Variants in ABR observed in about 807,000 individuals in gnomAD.
ABR encodes the protein ABR activator of RhoGEF and GTPase.
A neutral mutation model predicts 107.2 loss-of-function variants in ABR; 35 were observed. The observed-to-expected ratio is 0.33, with a 90% CI of 0.25 to 0.43. The LOEUF (loss-of-function observed/expected upper bound fraction) is 0.43. Ranked by LOEUF, ABR falls within the 20% of genes least tolerant of loss-of-function variation. ABR has a pLI of 1.00. For missense variants in ABR, 815 were observed against 1,115.2 expected, an observed-to-expected ratio of 0.73 and a Z score of 3.83; for synonymous variants, 498 against 462.0, an observed-to-expected ratio of 1.08 and a Z score of -1.00.
Position 1,013,749 on chromosome 17 carries a change from C to A in ABR, c.1792-585G>T, listed in dbSNP as rs573175279. ...CCTCCCTGGGATTGCTGGGAAGATTCAGGGAGAAAACTTGGGTCAAGCCAT... is the reference window on the plus strand; with the variant it reads ...CCTCCCTGGGATTGCTGGGAAGATTAAGGGAGAAAACTTGGGTCAAGCCAT... On this transcript the variant is annotated intron_variant, in intron 16 of 22. Coordinates refer to ENST00000302538, the MANE Select transcript of ABR (RefSeq NM_021962.5). Among the ~76,000 whole-genome samples the A allele has an allele frequency of 7.9e-5, 12 of 152,338 alleles. No individual in the cohort carries two copies. In the East Asian group the frequency reaches 1.9e-3, roughly 24 times the overall value.
rs542781175 is a variant in ABR at position 1,150,188 on chromosome 17, C to T, written c.62-24821G>A. On this transcript the variant is annotated intron_variant, in intron 1 of 22. Transcript: ENST00000302538. The surrounding 1 kb of genome is among the most constrained non-coding windows in gnomAD (Gnocchi z 4.8). ...CGCTGAGATTACAGACGTGAGCCAC[C>T]GCGCCCGGCCTGTGTCAGAATTTTT... Among the ~76,000 whole-genome samples the T allele has an allele frequency of 7.9e-5, 12 of 151,822 alleles. No individual in the cohort carries two copies. The highest frequency in any genetic ancestry group is 2.4e-4 in the African/African-American group (10 of 41,384).
chr17:1,225,290 A>C (rs949099680), intron 1 of ABR, among the ~76,000 whole-genome samples: 1 of 152,206 alleles, frequency 6.6e-6, no homozygotes, highest in African/African-American at 2.4e-5. Context: ...GAGCCATTGT[A>C]CCAGCCACAT....
rs761207671 is a variant in ABR at position 1,200,435 on chromosome 17, C to T, written c.838+28358G>A. 7.6e-4 allele frequency among the ~76,000 whole-genome samples: 115 copies of T among 152,184 alleles called. No homozygotes were observed. The highest frequency in any genetic ancestry group is 1.3e-3 in the Non-Finnish European group (91 of 68,028). On this transcript the variant is annotated intron_variant, in intron 1 of 22. Transcript: ENST00000574139. The surrounding 1 kb of genome is among the most constrained non-coding windows in gnomAD (Gnocchi z 4.1). ...GTGATTAGGTTACATGTAACTATTA[C>T]AGCACCTTATATAAGAGACTTGGGC... is the stretch of plus-strand genomic sequence containing the variant.
chr17:1,223,931 G>T (rs887314830), intron 1 of ABR, among the ~76,000 whole-genome samples: 1 of 152,186 alleles, frequency 6.6e-6, no homozygotes, highest in Non-Finnish European at 1.5e-5. Flanking sequence ...GACAATTCGA[G>T]ATGAGATTTG....
chr17:1,203,513 G>GGGGCCCGCGGGGGCGGAGGCTGCGGGGGC, intron 1 of ABR, among the ~76,000 whole-genome samples: 1 of 2,840 alleles, frequency 3.5e-4, no homozygotes, highest in Non-Finnish European at 0.029. Flanking sequence ...CTGCGGGGGC[G>GGGGCCCGCGGGGGCGGAGGCTGCGGGGGC]GGGGCCGCAG....
intron 16 of ABR, among the ~76,000 whole-genome samples, chr17:1,016,876 C>A (rs62068326): frequency 0.066 from 10,042 of 152,170 alleles, 439 homozygotes; most frequent in Middle Eastern, 0.15. Context: ...ACGGTTTGAA[C>A]GCAGTTGCTA....
intron 1 of ABR, among the ~76,000 whole-genome samples, chr17:1,206,882 C>A (rs965469894): frequency 1.3e-5 from 2 of 152,180 alleles, no homozygotes; most frequent in Admixed American, 6.5e-5. Flanking sequence ...GCCAGGAGTT[C>A]GAGACCACCC....
At chr17:1,164,751 C>T (rs951984121) in intron 1 of ABR, among the ~76,000 whole-genome samples, 5 of 152,144 alleles carry the variant, frequency 3.3e-5, no homozygotes, top group African/African-American at 9.7e-5. Context: ...ACTGAAGCCT[C>T]GACTTCCCCA....
At position 1,070,216 on chromosome 17, in the gene ABR, A is replaced by C; in HGVS notation, c.895-126T>G. 7.6e-7 allele frequency: 1 copy of C among 1,311,454 alleles called. No individual in the cohort carries two copies. The highest frequency in any genetic ancestry group is 1.0e-6 in the Non-Finnish European group (1 of 955,940). 81.2% of individuals were successfully genotyped at this position (1,311,454 alleles called of 1,614,324 possible). On this transcript the variant is annotated intron_variant, in intron 8 of 22. Coordinates refer to ENST00000302538, the MANE Select transcript of ABR (RefSeq NM_021962.5). This position sits in a 1 kb window ranked among gnomAD's most constrained non-coding sequence, Gnocchi z 4.2. ...GAGGCGGCATAGCCTGTCATCCCTT[A>C]ACCAAAGGTGGTTCAAGCACTGCCT...
chr17:1,083,645 G>A lies in ABR; in HGVS notation c.532-18C>T, dbSNP rs1185064376. The stretch of plus-strand genomic sequence containing the variant: ...TGGCTGGCCTGCAGGGAGGAGTCAG[G>A]GAACAGAGGGAGAGGAGGGTGGGAG... On this transcript the variant is annotated intron_variant, in intron 4 of 22. Coordinates refer to ENST00000302538, the MANE Select transcript of ABR (RefSeq NM_021962.5). 5 of 1,591,910 alleles carry A rather than the reference G, an allele frequency of 3.1e-6. No individual in the cohort carries two copies. Among genetic ancestry groups the A allele is most frequent in the Non-Finnish European group, 4.3e-6 (5 of 1,160,178 alleles).
At chr17:1,203,679 G>T (rs548705341) in intron 1 of ABR, among the ~76,000 whole-genome samples, 1 of 152,294 alleles carries the variant, frequency 6.6e-6, no homozygotes, top group Admixed American at 6.5e-5. Flanking sequence ...CGGCGGGAGC[G>T]GTGATGCAGA....
chr17:1,134,243 T>C (rs1274755842), intron 1 of ABR, among the ~76,000 whole-genome samples: 1 of 151,916 alleles, frequency 6.6e-6, no homozygotes, highest in Admixed American at 6.6e-5. Flanking sequence ...TGAAACCCCG[T>C]CTGTACTAAA....
chr17:1,142,832 G>A (rs71357170), intron 1 of ABR, among the ~76,000 whole-genome samples: 11,502 of 152,202 alleles, frequency 0.076, 515 homozygotes, highest in Middle Eastern at 0.18. Context: ...CCCTCGGCCT[G>A]GCCTGTAGCA....
In ABR at chr17:1,019,345, T is replaced by C. The variant is rs545873930; in HGVS notation, c.1792-6181A>G. On this transcript the variant is annotated intron_variant, in intron 16 of 22. Transcript: ENST00000302538. ...CCCTCTGCAGCCTCCCAGGCGACACTTGCTGCTGTCTCACACACTCCAGCC... is the reference window on the plus strand; with the variant it reads ...CCCTCTGCAGCCTCCCAGGCGACACCTGCTGCTGTCTCACACACTCCAGCC... Among the ~76,000 whole-genome samples, 4 of 152,356 alleles carry C rather than the reference T, an allele frequency of 2.6e-5. No homozygotes were observed. The East Asian group carries it at 5.8e-4, about 22-fold the overall frequency.
At chr17:1,018,924 C>T (rs2071411499) in intron 16 of ABR, among the ~76,000 whole-genome samples, 1 of 152,176 alleles carries the variant, frequency 6.6e-6, no homozygotes, top group African/African-American at 2.4e-5. Context: ...AGGAATTTAC[C>T]CAGTGCACAC....
chr17:1,073,303 C>T (rs1425927793), intron 7 of ABR, among the ~76,000 whole-genome samples: 1 of 152,064 alleles, frequency 6.6e-6, no homozygotes, highest in Non-Finnish European at 1.5e-5. Flanking sequence ...GGAGGCTCAT[C>T]CCCCCGAGCA....
At chr17:1,060,429 C>G (rs557543513) in intron 10 of ABR, among the ~76,000 whole-genome samples, 1 of 152,102 alleles carries the variant, frequency 6.6e-6, no homozygotes, top group South Asian at 2.1e-4. Flanking sequence ...GAAAAAGAAT[C>G]TGATACATCC....
chr17:1,014,327 G>T lies in ABR; in HGVS notation c.1792-1163C>A, dbSNP rs574205306. ...GTGGTGGCGGGCGCCTGTAGTCCCA[G>T]CTACTTGGGAGGCTGAGGCAGGAGA... On this transcript the variant is annotated intron_variant, in intron 16 of 22. Transcript: ENST00000302538. 1.3e-4 allele frequency among the ~76,000 whole-genome samples: 17 copies of T among 131,826 alleles called. 1 individual carries two copies. In the South Asian group the frequency reaches 1.9e-3, roughly 15 times the overall value. 86.5% of individuals were successfully genotyped at this position (131,826 alleles called of 152,430 possible).
chr17:1,213,205 T>C (rs917801095), intron 1 of ABR, among the ~76,000 whole-genome samples: 1 of 152,156 alleles, frequency 6.6e-6, no homozygotes, highest in African/African-American at 2.4e-5. Flanking sequence ...CAGGAAATGA[T>C]GAGATGTGAA....
Sources: allele counts gnomAD v4.1 joint callset (sites outside exome capture counted in the v4.1 genomes callset), GRCh38; gene constraint gnomAD v4.1.1; non-coding constraint Gnocchi (gnomAD v3.1); transcripts MANE v1.5; gene names NCBI Gene and HGNC (gene_info 2026-07-23, HGNC 2026-07-21).